PAPPA2: variants seen among roughly 807,000 people sequenced by gnomAD.
The protein encoded by PAPPA2 is pappalysin 2.
In PAPPA2, 86 loss-of-function variants were observed where a neutral mutation model predicts 176.4. That is an observed-to-expected ratio of 0.49 (90% confidence interval 0.41 to 0.58). The LOEUF is 0.58. PAPPA2 is among the 20% of genes least tolerant of loss of function. The pLI, the probability that PAPPA2 is intolerant of heterozygous loss-of-function variation, is 0.00. For synonymous variants in PAPPA2, 809 were observed against 852.2 expected (o/e 0.95, Z 0.88); for missense variants, 2,073 against 2,256.9 (o/e 0.92, Z 1.65).
intron 21 of PAPPA2, among the ~76,000 whole-genome samples, chr1:176,812,961 C>G (rs577306827): frequency 6.6e-5 from 10 of 152,122 alleles, no homozygotes; most frequent in African/African-American, 1.9e-4. Flanking sequence ...CCCCGACATG[C>G]CCCAGTGTGT....
intron 12 of PAPPA2, among the ~76,000 whole-genome samples, chr1:176,731,504 G>T (rs963477995): frequency 1.3e-5 from 2 of 151,794 alleles, no homozygotes; most frequent in African/African-American, 4.8e-5. Context: ...TAGAGACGGG[G>T]TTTCACCATG....
chr1:176,493,358 C>T (rs1487669040), intron 1 of PAPPA2, among the ~76,000 whole-genome samples: 4 of 152,120 alleles, frequency 2.6e-5, no homozygotes, highest in African/African-American at 9.7e-5. Flanking sequence ...CAGTTTCAAA[C>T]ATTAGCGAAT....
chr1:176,534,176 G>C (rs556366699), intron 1 of PAPPA2, among the ~76,000 whole-genome samples: 2 of 152,264 alleles, frequency 1.3e-5, no homozygotes, highest in Admixed American at 6.5e-5. Context: ...GAAGCAGTAG[G>C]GAAAAGTAGC....
chr1:176,486,897 G>A (rs540217417), intron 1 of PAPPA2, among the ~76,000 whole-genome samples: 6 of 152,076 alleles, frequency 3.9e-5, no homozygotes, highest in East Asian at 1.9e-4. Context: ...GTTTACAGGT[G>A]TAGGGAAAGG....
chr1:176,558,958 G>A (rs1268954117), intron 2 of PAPPA2, among the ~76,000 whole-genome samples: 1 of 152,128 alleles, frequency 6.6e-6, no homozygotes. Context: ...CCAAACCTGG[G>A]GAAACTTGAC....
At chr1:176,797,222 A>G (rs1001786518) in intron 20 of PAPPA2, among the ~76,000 whole-genome samples, 2 of 152,360 alleles carry the variant, frequency 1.3e-5, no homozygotes, top group East Asian at 3.9e-4. Context: ...TATAGGAGAC[A>G]TGAATTGAAT....
At chr1:176,748,869 T>C (rs1663037734) in intron 14 of PAPPA2, among the ~76,000 whole-genome samples, 1 of 152,212 alleles carries the variant, frequency 6.6e-6, no homozygotes, top group South Asian at 2.1e-4. Context: ...CATATAGGTT[T>C]GTGTAAGTAC....
chr1:176,673,212 G>A (rs1338763878), intron 4 of PAPPA2, among the ~76,000 whole-genome samples: 2 of 152,132 alleles, frequency 1.3e-5, no homozygotes, highest in African/African-American at 4.8e-5. Flanking sequence ...ACATTTCCAA[G>A]ATGGTCGGGT....
rs138144746 is a variant in PAPPA2 at position 176,481,716 on chromosome 1, T to C, written c.-917+18298T>C. On this transcript the variant is annotated intron_variant, in intron 1 of 22. Coordinates refer to ENST00000367662, the MANE Select transcript of PAPPA2 (RefSeq NM_020318.3). ...CTTTTATTGTTTTGTTTTCTTTGTT[T>C]GTTTTTGAGATAGAGTCTCACCCTG... Among the ~76,000 whole-genome samples the C allele has an allele frequency of 1.4e-3, 215 of 152,336 alleles. 1 individual carries two copies. Among genetic ancestry groups the C allele is most frequent in the Non-Finnish European group, 2.1e-3 (143 of 68,034 alleles).
rs188839726 is a variant in PAPPA2 at position 176,820,803 on chromosome 1, A to T, written c.5203-19370A>T. 8.3e-3 allele frequency among the ~76,000 whole-genome samples: 1,266 copies of T among 152,096 alleles called. 11 individuals are homozygous for T. Among genetic ancestry groups the T allele is most frequent in the Middle Eastern group, 0.01 (3 of 294 alleles). ...TTAGAGGCTTCCAAAGCTGGGGAAA[A>T]AAAAGTAAAAGAAAAGAAAAGAGAA... On this transcript the variant is annotated intron_variant, in intron 21 of 22. Coordinates refer to ENST00000367662, the MANE Select transcript of PAPPA2 (RefSeq NM_020318.3).
chr1:176,517,383 A>T (rs1009949211), intron 1 of PAPPA2, among the ~76,000 whole-genome samples: 1 of 152,206 alleles, frequency 6.6e-6, no homozygotes, highest in Non-Finnish European at 1.5e-5. Flanking sequence ...CCTGCTGTAA[A>T]TCTGTCGACA....
intron 21 of PAPPA2, among the ~76,000 whole-genome samples, chr1:176,833,764 A>G (rs1667166074): frequency 6.6e-6 from 1 of 152,056 alleles, no homozygotes; most frequent in African/African-American, 2.4e-5. Context: ...CATGTTCTTC[A>G]CTTAGAAGAT....
At chr1:176,570,885 C>T (rs549199324) in intron 2 of PAPPA2, among the ~76,000 whole-genome samples, 26 of 152,166 alleles carry the variant, frequency 1.7e-4, no homozygotes, top group African/African-American at 5.8e-4. Flanking sequence ...TGCCATTCCC[C>T]GCCCTTCTGT....
intron 21 of PAPPA2, among the ~76,000 whole-genome samples, chr1:176,831,511 C>T (rs1443929573): frequency 6.6e-6 from 1 of 152,206 alleles, no homozygotes; most frequent in Admixed American, 6.5e-5. Flanking sequence ...TTCCCATTTT[C>T]ACCCTTTGGG....
intron 4 of PAPPA2, 96 bp downstream of exon 4, chr1:176,671,211 A>G: frequency 6.6e-7 from 1 of 1,506,450 alleles, no homozygotes; most frequent in Admixed American, 1.9e-5. Context: ...AAGACAGAGA[A>G]AAAGTGAATT....
At chr1:176,665,720 T>C (rs1258353324) in intron 3 of PAPPA2, among the ~76,000 whole-genome samples, 3 of 152,222 alleles carry the variant, frequency 2.0e-5, no homozygotes, top group Non-Finnish European at 4.4e-5. Context: ...CACAGGCATA[T>C]ACTTTCTCTG....
intron 21 of PAPPA2, among the ~76,000 whole-genome samples, chr1:176,833,463 C>G (rs1266592317): frequency 6.6e-6 from 1 of 152,218 alleles, no homozygotes; most frequent in African/African-American, 2.4e-5. Flanking sequence ...TCCAGATCAC[C>G]TGTTAAAACC....
chr1:176,541,753 T>C (rs1294205717), intron 1 of PAPPA2, among the ~76,000 whole-genome samples: 1 of 152,240 alleles, frequency 6.6e-6, no homozygotes, highest in African/African-American at 2.4e-5. Context: ...TACCATGTTA[T>C]TGAAGGAAGC....
chr1:176,656,138 C>G (rs990114548), intron 3 of PAPPA2, among the ~76,000 whole-genome samples: 1 of 151,694 alleles, frequency 6.6e-6, no homozygotes, highest in Non-Finnish European at 1.5e-5. Flanking sequence ...AGCAACTTAA[C>G]ATATCATCTT....
Sources: allele counts gnomAD v4.1 joint callset (sites outside exome capture counted in the v4.1 genomes callset), GRCh38; gene constraint gnomAD v4.1.1; transcripts MANE v1.5; gene names NCBI Gene and HGNC (gene_info 2026-07-23, HGNC 2026-07-21).